The following USP25 variants were observed in gnomAD, a reference collection of about 807,000 sequenced individuals.
The protein encoded by USP25 is ubiquitin specific peptidase 25, also known as ubiquitin carboxyl-terminal hydrolase 25.
Under a neutral mutation model 158.5 loss-of-function variants are expected in USP25, and 85 were observed. The ratio of observed to expected loss-of-function variants is 0.54; its 90% confidence interval spans 0.45 to 0.64. The LOEUF is 0.64. Among genes scored for constraint, USP25 ranks in the 30% least tolerant of loss-of-function variants. The pLI is 0.00. For missense variants in USP25, 1,242 were observed against 1,327.3 expected (o/e 0.94, Z 1.00); for synonymous variants, 464 against 460.4 (o/e 1.01, Z -0.10).
chr21:15,847,618 A>C, intron 18 of USP25, 45 bp from the exon 19 acceptor site: 1 of 1,342,362 alleles, frequency 7.4e-7, no homozygotes, highest in Non-Finnish European at 1.0e-6. Context: ...ATTGTTCTCC[A>C]CTGTTCTCTT....
chr21:15,809,831 A>G (rs1292418413), intron 8 of USP25, among the ~76,000 whole-genome samples: 1 of 152,204 alleles, frequency 6.6e-6, no homozygotes, highest in Non-Finnish European at 1.5e-5. Context: ...TGAAAAGCAC[A>G]GAAGTTCTGA....
intron 3 of USP25, among the ~76,000 whole-genome samples, chr21:15,769,827 C>T (rs867785750): frequency 1.3e-4 from 20 of 151,904 alleles, no homozygotes; most frequent in Non-Finnish European, 2.8e-4. Flanking sequence ...TACAATTGAG[C>T]GATCAAAAGA....
At chr21:15,783,330 C>A (rs2035075663) in intron 4 of USP25, among the ~76,000 whole-genome samples, 1 of 152,104 alleles carries the variant, frequency 6.6e-6, no homozygotes, top group Admixed American at 6.5e-5. Context: ...GAGGCATAGA[C>A]CACCCATTTG....
chr21:15,769,969 TTTTTTTTC>T (rs963096628), intron 3 of USP25, among the ~76,000 whole-genome samples: 1 of 151,980 alleles, frequency 6.6e-6, no homozygotes, highest in African/African-American at 2.4e-5. Context: ...ATAAGCCGTT[TTTTTTTTC>T]TTTTTTTCTA....
At chr21:15,798,791 G>A (rs973811890) in intron 5 of USP25, among the ~76,000 whole-genome samples, 4 of 150,932 alleles carry the variant, frequency 2.7e-5, no homozygotes, top group African/African-American at 9.7e-5. Context: ...TATGTAATCT[G>A]GCTCTATTTC....
chr21:15,836,897 C>T (rs1368261630), intron 17 of USP25, among the ~76,000 whole-genome samples: 1 of 147,340 alleles, frequency 6.8e-6, no homozygotes, highest in African/African-American at 2.5e-5. Context: ...AGATTTTCAG[C>T]CAGCCATCCT....
chr21:15,850,635 A>G (rs954262922), intron 20 of USP25, among the ~76,000 whole-genome samples: 5 of 151,790 alleles, frequency 3.3e-5, no homozygotes, highest in African/African-American at 1.2e-4. Context: ...GCTACAGTGA[A>G]CTATGCATTT....
At chr21:15,830,787 T>C (rs879668787) in intron 15 of USP25, among the ~76,000 whole-genome samples, 186 bp downstream of exon 15, 2 of 152,174 alleles carry the variant, frequency 1.3e-5, no homozygotes, top group African/African-American at 2.4e-5. Context: ...GGGGAAACTT[T>C]TATAACAAAT....
chr21:15,878,271 C>T (rs2040177656), intron 25 of USP25, 32 bp from the exon 26 acceptor site: 1 of 1,590,278 alleles, frequency 6.3e-7, no homozygotes, highest in Admixed American at 1.8e-5. Flanking sequence ...TAATTTCTAT[C>T]TTTAGTTAGA....
chr21:15,842,511 G>A lies in USP25; in HGVS notation c.2308G>A (p.Asp770Asn). Residue 770 changes from aspartate (D) to asparagine (N), a missense_variant, in exon 18 of 26, where the codon GAT (aspartate) becomes AAT (asparagine). Coordinates refer to ENST00000400183, the MANE Select transcript of USP25 (RefSeq NM_001283041.3). Reference sequence around the variant, plus strand: ...TACCAAGGCATCACATGAGCATGAAGATAAAAGTCCTGAAACAGTTTTGCA... The same window carrying A: ...TACCAAGGCATCACATGAGCATGAAAATAAAAGTCCTGAAACAGTTTTGCA... ...IITKASHEHEDKSPETVLQSK... is the reference protein window; with the variant it reads ...IITKASHEHENKSPETVLQSK... The A allele has an allele frequency of 6.2e-7, 1 of 1,613,638 alleles. No homozygotes were observed. Among genetic ancestry groups the A allele is most frequent in the Non-Finnish European group, 8.5e-7 (1 of 1,179,682 alleles).
chr21:15,782,147 T>C (rs1156306222), intron 4 of USP25, among the ~76,000 whole-genome samples: 2 of 152,204 alleles, frequency 1.3e-5, no homozygotes, highest in Non-Finnish European at 2.9e-5. Flanking sequence ...TGGGCCTGCA[T>C]GGCCGGGCAG....
At chr21:15,773,844 T>C (rs146702032) in intron 3 of USP25, among the ~76,000 whole-genome samples, 2 of 152,322 alleles carry the variant, frequency 1.3e-5, no homozygotes, top group Non-Finnish European at 2.9e-5. Flanking sequence ...AAAACACATT[T>C]GCTGAAACAA....
Position 15,824,123 on chromosome 21 carries a change from A to G in USP25, c.1165A>G (p.Ile389Val). 6.2e-7 allele frequency: 1 copy of G among 1,613,628 alleles called. No individual in the cohort carries two copies. The highest frequency in any genetic ancestry group is 8.5e-7 in the Non-Finnish European group (1 of 1,179,860). Residue 389 changes from isoleucine to valine, a missense_variant, in exon 11 of 26, where the codon ATT (isoleucine) becomes GTT (valine). This residue lies in a region of USP25 where 627 missense variants were observed against 701.4 expected (regional missense o/e 0.89). Coordinates refer to ENST00000400183, the MANE Select transcript of USP25 (RefSeq NM_001283041.3). Reference protein sequence around the residue: ...FNQALGRPEKIHNKLEFPQVL... With the variant: ...FNQALGRPEKVHNKLEFPQVL... ...TCAGGCATTGGGAAGACCAGAAAAA[A>G]TTCACAACAAATTAGAATTTCCCCA...
Position 15,878,010 on chromosome 21 carries a change from A to G in USP25, c.3205+19A>G. On this transcript the variant is annotated intron_variant, in intron 25 of 25. Transcript: ENST00000400183. ...ATGGAACGTAAGTTTAAACAATGGTAGTAGGCACCTGAGATGTCCGGATTA... is the reference window on the plus strand; with the variant it reads ...ATGGAACGTAAGTTTAAACAATGGTGGTAGGCACCTGAGATGTCCGGATTA... 2 of 1,588,602 alleles carry G rather than the reference A, an allele frequency of 1.3e-6. No homozygotes were observed. The highest frequency in any genetic ancestry group is 1.7e-4 in the Middle Eastern group (1 of 5,952).
chr21:15,790,235 CAG>C lies in USP25; in HGVS notation c.393-1262_393-1261del, dbSNP rs139496731. Among the ~76,000 whole-genome samples the C allele has an allele frequency of 2.4e-3, 358 of 152,024 alleles. 4 individuals are homozygous for C. Among genetic ancestry groups the C allele is most frequent in the African/African-American group, 8.3e-3 (345 of 41,476 alleles). ...TTGCCTGTGGGAGTTGGTTTTTGGGCAGAGAGTAGTGCTGGCCAGTCGGGTCA... is the reference window on the plus strand; with the variant it reads ...TTGCCTGTGGGAGTTGGTTTTTGGGCAGAGTAGTGCTGGCCAGTCGGGTCA... On this transcript the variant is annotated intron_variant, in intron 4 of 25. Transcript: ENST00000400183.
At chr21:15,851,091 C>G (rs1186040773) in intron 20 of USP25, among the ~76,000 whole-genome samples, 1 of 150,612 alleles carries the variant, frequency 6.6e-6, no homozygotes, top group Non-Finnish European at 1.5e-5. Flanking sequence ...CTTCTTATGC[C>G]CAGATAGTCT....
intron 1 of USP25, among the ~76,000 whole-genome samples, chr21:15,732,787 C>A (rs1433560084): frequency 2.0e-5 from 3 of 152,100 alleles, no homozygotes; most frequent in African/African-American, 7.2e-5. Context: ...ACAAAACTTT[C>A]ATGATTTTTT....
intron 3 of USP25, among the ~76,000 whole-genome samples, chr21:15,774,818 A>G (rs994016983): frequency 1.3e-5 from 2 of 152,248 alleles, no homozygotes; most frequent in African/African-American, 4.8e-5. Flanking sequence ...TGACTAATAC[A>G]ATGAATTATG....
At chr21:15,838,625 G>A (rs2038177397) in intron 17 of USP25, among the ~76,000 whole-genome samples, 1 of 152,066 alleles carries the variant, frequency 6.6e-6, no homozygotes, top group Admixed American at 6.6e-5. Flanking sequence ...GGGTATTGTG[G>A]ACTTTTAAAT....
Sources: gnomAD v4.1 joint callset for allele counts (sites outside exome capture counted in the v4.1 genomes callset) on GRCh38, gnomAD v4.1.1 for gene constraint, gnomAD v4.1.1 regional missense constraint, MANE v1.5 for transcripts, NCBI Gene and HGNC (gene_info 2026-07-23, HGNC 2026-07-21) for gene names.